Variants in ZSCAN25 observed in about 807,000 individuals in gnomAD.
ZSCAN25 encodes zinc finger and SCAN domain-containing protein 25.
Under a neutral mutation model 38.7 loss-of-function variants are expected in ZSCAN25, and 27 were observed. The observed-to-expected ratio is 0.70, with a 90% CI of 0.51 to 0.96. The LOEUF is 0.96. ZSCAN25 is among the 40% of genes least tolerant of loss of function. ZSCAN25 has a pLI of 0.00. For missense variants in ZSCAN25, 637 were observed against 705.9 expected (o/e 0.90, Z 1.11); for synonymous variants, 273 against 277.7 (o/e 0.98, Z 0.17).
At chr7:99,640,449 C>T in the ZSCAN25 span, among the ~76,000 whole-genome samples, 1 of 152,224 alleles carries the variant, frequency 6.6e-6, no homozygotes, top group African/African-American at 2.4e-5. Context: ...TGAGCCACCG[C>T]ACCTGGCCTC....
the ZSCAN25 span, chr7:99,705,637 G>A: frequency 1.2e-5 from 19 of 1,606,468 alleles, no homozygotes; most frequent in South Asian, 2.1e-4. Context: ...ATTAAATAAA[G>A]CAAAAGTAGA....
the ZSCAN25 span, chr7:99,673,007 T>A: frequency 4.7e-6 from 2 of 429,416 alleles, no homozygotes; most frequent in Non-Finnish European, 6.7e-6. Context: ...GGGTATCTCC[T>A]ATGCCACTCT....
the ZSCAN25 span, chr7:99,731,017 T>G: frequency 6.2e-7 from 1 of 1,610,958 alleles, no homozygotes. Flanking sequence ...AGTTGCTCTT[T>G]GCAATCATAA....
the ZSCAN25 span, chr7:99,638,159 T>C: frequency 7.9e-7 from 1 of 1,268,714 alleles, no homozygotes; most frequent in Non-Finnish European, 1.1e-6. Flanking sequence ...AAAGTGGCAA[T>C]TGAAAGAGGA....
chr7:99,709,162 C>A, the ZSCAN25 span: 4 of 1,613,996 alleles, frequency 2.5e-6, no homozygotes, highest in Non-Finnish European at 3.4e-6. Context: ...TTTTTGCAGA[C>A]CCTCTCAAGT....
At chr7:99,638,673 T>G in the ZSCAN25 span, 1 of 1,550,052 alleles carries the variant, frequency 6.5e-7, no homozygotes, top group Non-Finnish European at 8.9e-7. Flanking sequence ...GCTTCAACAT[T>G]TACAGGATTG....
At chr7:99,693,838 A>G in the ZSCAN25 span, among the ~76,000 whole-genome samples, 2 of 152,218 alleles carry the variant, frequency 1.3e-5, no homozygotes, top group African/African-American at 2.4e-5. Context: ...CTATTCGGCC[A>G]TCTTGGAAAT....
At chr7:99,667,199 A>C in the ZSCAN25 span, 4 of 621,264 alleles carry the variant, frequency 6.4e-6, no homozygotes, top group Non-Finnish European at 9.3e-6. Context: ...AGCCATATTC[A>C]AGATGCTCAA....
downstream of ZSCAN25, chr7:99,632,412 C>T (rs1808074627): frequency 2.7e-6 from 1 of 364,538 alleles, no homozygotes. Flanking sequence ...AATCTTGTTT[C>T]ATCTCTGTCC....
chr7:99,723,164 C>A, the ZSCAN25 span, among the ~76,000 whole-genome samples: 1 of 152,056 alleles, frequency 6.6e-6, no homozygotes, highest in Non-Finnish European at 1.5e-5. Flanking sequence ...GGCCTCTTAG[C>A]CCAAGCCTGC....
rs943318624 is a variant in ZSCAN25, at chr7:99,617,000, C to G, written c.-275C>G. The G allele has an allele frequency of 6.6e-6, 1 of 152,248 alleles. No individual in the cohort carries two copies. The highest frequency in any genetic ancestry group is 2.4e-5 in the African/African-American group (1 of 41,460). 9.4% of individuals were successfully genotyped at this position (152,248 alleles called of 1,614,324 possible). A position where few individuals can be genotyped will look rare whatever the true frequency, so the allele number is the denominator to read the frequency against. ...TGGCGACCCTAGCGGGTGAGAGGCC[C>G]TTCAGGGCCGCGGCGGGTGAGAGCC... On this transcript the variant is annotated 5_prime_UTR_variant, in exon 1 of 8. Coordinates refer to ENST00000394152, the MANE Select transcript of ZSCAN25 (RefSeq NM_145115.3).
At chr7:99,638,327 C>G in the ZSCAN25 span, 2 of 1,605,752 alleles carry the variant, frequency 1.2e-6, no homozygotes, top group Non-Finnish European at 8.5e-7. Context: ...CATACCAGTT[C>G]CTGTCCTGAA....
At chr7:99,705,626 C>A in the ZSCAN25 span, 1 of 1,609,304 alleles carries the variant, frequency 6.2e-7, no homozygotes, top group Non-Finnish European at 8.5e-7. Flanking sequence ...TATTGAGAAG[C>A]ATTAAATAAA....
the ZSCAN25 span, among the ~76,000 whole-genome samples, chr7:99,703,682 C>T: frequency 6.6e-6 from 1 of 152,136 alleles, no homozygotes; most frequent in Non-Finnish European, 1.5e-5. Context: ...AGAAGCCTGG[C>T]TTCTATCATC....
the ZSCAN25 span, chr7:99,705,672 A>G: frequency 1.9e-6 from 3 of 1,543,214 alleles, no homozygotes; most frequent in Admixed American, 1.7e-5. Context: ...AGTAAAAAAA[A>G]ATTACTGACA....
chr7:99,720,530 C>CT, the ZSCAN25 span: 1 of 1,126,510 alleles, frequency 8.9e-7, no homozygotes, highest in Non-Finnish European at 1.3e-6. Context: ...GTACAATACA[C>CT]AGTAATCTTA....
chr7:99,702,722 C>T, the ZSCAN25 span, among the ~76,000 whole-genome samples: 509 of 152,248 alleles, frequency 3.3e-3, 2 homozygotes, highest in African/African-American at 0.012. Flanking sequence ...ATAGCTTTGG[C>T]TATTCTGGGT....
the ZSCAN25 span, chr7:99,676,422 G>C: frequency 6.7e-7 from 1 of 1,486,776 alleles, no homozygotes; most frequent in African/African-American, 1.4e-5. Context: ...TTAGCTGAAA[G>C]CAGCTGAAGT....
the ZSCAN25 span, among the ~76,000 whole-genome samples, chr7:99,644,989 A>G: frequency 6.6e-6 from 1 of 152,074 alleles, no homozygotes; most frequent in South Asian, 2.1e-4. Flanking sequence ...CTGGCCCCAG[A>G]GCTAGGTTCA....
Sources: gnomAD v4.1 joint callset for allele counts (sites outside exome capture counted in the v4.1 genomes callset) on GRCh38, gnomAD v4.1.1 for gene constraint, MANE v1.5 for transcripts, NCBI Gene and HGNC (gene_info 2026-07-23, HGNC 2026-07-21) for gene names.